Variants in ZBTB7A observed in about 807,000 individuals in gnomAD.
The protein encoded by ZBTB7A is zinc finger and BTB domain containing 7A, also known as zinc finger and BTB domain-containing protein 7A.
Under a neutral mutation model 26.7 loss-of-function variants are expected in ZBTB7A, and 7 were observed. The ratio of observed to expected loss-of-function variants is 0.26; its 90% confidence interval spans 0.15 to 0.49. ZBTB7A has a LOEUF of 0.49. Ranked by LOEUF, ZBTB7A falls within the 20% of genes least tolerant of loss-of-function variation. The pLI, the probability that ZBTB7A is intolerant of heterozygous loss-of-function variation, is 0.98. For missense variants in ZBTB7A, 617 were observed against 919.5 expected, an observed-to-expected ratio of 0.67 and a Z score of 4.25; for synonymous variants, 452 against 441.0, an observed-to-expected ratio of 1.02 and a Z score of -0.31.
At chr19:4,065,277 G>C (rs868643560) in intron 1 of ZBTB7A, among the ~76,000 whole-genome samples, 2 of 149,858 alleles carry the variant, frequency 1.3e-5, no homozygotes, top group African/African-American at 4.9e-5. Flanking sequence ...GGCCGTCCGG[G>C]CAGGGCGAGG....
At chr19:4,059,247 C>A (rs530838600) in intron 1 of ZBTB7A, among the ~76,000 whole-genome samples, 2 of 152,204 alleles carry the variant, frequency 1.3e-5, no homozygotes, top group African/African-American at 4.8e-5. Flanking sequence ...CCTCGGGTGA[C>A]CAGGGTCCCC....
intron 2 of ZBTB7A, among the ~76,000 whole-genome samples, chr19:4,049,060 C>T (rs1490168808): frequency 2.7e-5 from 4 of 148,830 alleles, no homozygotes; most frequent in South Asian, 2.1e-4. Flanking sequence ...CCTGCAGCCT[C>T]GAACTCCTGG....
intron 1 of ZBTB7A, among the ~76,000 whole-genome samples, chr19:4,064,251 C>G (rs1044847291): frequency 1.8e-4 from 27 of 152,268 alleles, no homozygotes; most frequent in Admixed American, 1.8e-3. Context: ...GACTGACCCA[C>G]GAATTAAAAT....
Position 4,043,916 on chromosome 19 carries a change from A to G in ZBTB7A, c.*3836T>C, listed in dbSNP as rs2040379753. 6.7e-6 allele frequency among the ~76,000 whole-genome samples: 1 copy of G among 149,176 alleles called. No individual in the cohort carries two copies. The highest frequency in any genetic ancestry group is 2.5e-5 in the African/African-American group (1 of 40,580). ...TTTTAAAATAAAACTGCAAATATAAATATCTTTCTTTCTCAAAAAATAGGA... is the reference window on the plus strand; with the variant it reads ...TTTTAAAATAAAACTGCAAATATAAGTATCTTTCTTTCTCAAAAAATAGGA... On this transcript the variant is annotated 3_prime_UTR_variant, in exon 3 of 3. Transcript: ENST00000322357.
chr19:4,065,908 C>G (rs1359530891), intron 1 of ZBTB7A, among the ~76,000 whole-genome samples: 1 of 143,752 alleles, frequency 7.0e-6, no homozygotes, highest in Non-Finnish European at 1.6e-5. Context: ...GCCCCGCCCC[C>G]TGGCGGGCTG....
At chr19:4,050,490 C>T (rs529724815) in intron 2 of ZBTB7A, among the ~76,000 whole-genome samples, 2 of 152,306 alleles carry the variant, frequency 1.3e-5, no homozygotes, top group East Asian at 3.9e-4. Flanking sequence ...ATGGGGGCAG[C>T]GTGGACCCAG....
At position 4,053,680 on chromosome 19, in the gene ZBTB7A, C is replaced by T. The variant is rs550846994; in HGVS notation, c.1262+291G>A. Reference sequence around the variant, plus strand: ...CATGTCTGTATGTGTATGTGGTGTGCGTGTGCGTGTGTGCGTCTGTGTGTG... The same window carrying T: ...CATGTCTGTATGTGTATGTGGTGTGTGTGTGCGTGTGTGCGTCTGTGTGTG... On this transcript the variant is annotated intron_variant, in intron 2 of 2. Transcript: ENST00000322357. Among the ~76,000 whole-genome samples the T allele has an allele frequency of 6.8e-5, 10 of 147,202 alleles. 1 individual carries two copies. Among genetic ancestry groups the T allele is most frequent in the African/African-American group, 1.8e-4 (7 of 39,924 alleles).
At position 4,045,461 on chromosome 19, in the gene ZBTB7A, T is replaced by C. The variant is rs2040403150; in HGVS notation, c.*2291A>G. On this transcript the variant is annotated 3_prime_UTR_variant, in exon 3 of 3. Coordinates refer to ENST00000322357, the MANE Select transcript of ZBTB7A (RefSeq NM_015898.4). This position sits in a 1 kb window ranked among gnomAD's most constrained non-coding sequence, Gnocchi z 4.1. ...AGGGGAGAGGGGGGATCCTGAGACA[T>C]TTGGAGGGGGCTGACAGGCTTAAGG... The C allele has an allele frequency of 7.1e-6, 1 of 140,932 alleles. No individual in the cohort carries two copies. The highest frequency in any genetic ancestry group is 1.5e-5 in the Non-Finnish European group (1 of 65,008). 8.7% of individuals were successfully genotyped at this position (140,932 alleles called of 1,614,324 possible). A position where few individuals can be genotyped will look rare whatever the true frequency, so the allele number is the denominator to read the frequency against.
chr19:4,062,347 G>A (rs528172776), intron 1 of ZBTB7A: 11 of 152,350 alleles, frequency 7.2e-5, no homozygotes, highest in Non-Finnish European at 7.3e-5. Context: ...CTCGGCGCTC[G>A]GGGCCCAAGG....
chr19:4,049,505 C>T (rs1599249892), intron 2 of ZBTB7A, among the ~76,000 whole-genome samples: 1 of 151,974 alleles, frequency 6.6e-6, no homozygotes, highest in African/African-American at 2.4e-5. Flanking sequence ...GCTGAAAATA[C>T]CGCAAGGAAC....
Position 4,052,299 on chromosome 19 carries a change from C to T in ZBTB7A, c.1262+1672G>A, listed in dbSNP as rs2040512391. The stretch of plus-strand genomic sequence containing the variant: ...CTCTGCACCCCACCAAGCTGCTCTT[C>T]CTGAGCTCAGAGACGAACCCACAGT... On this transcript the variant is annotated intron_variant, in intron 2 of 2. Transcript: ENST00000322357. The surrounding 1 kb of genome is among the most constrained non-coding windows in gnomAD (Gnocchi z 4.9). 6.6e-6 allele frequency among the ~76,000 whole-genome samples: 1 copy of T among 152,196 alleles called. No individual in the cohort carries two copies. Among genetic ancestry groups the T allele is most frequent in the South Asian group, 2.1e-4 (1 of 4,830 alleles).
In ZBTB7A at chr19:4,047,493, T is replaced by G. The variant is rs2040435645; in HGVS notation, c.*259A>C. On this transcript the variant is annotated 3_prime_UTR_variant, in exon 3 of 3. Coordinates refer to ENST00000322357, the MANE Select transcript of ZBTB7A (RefSeq NM_015898.4). Reference sequence around the variant, plus strand: ...CAAGCCCCGAAACCCAGCGATGGGGTGGTGGGGGGAAGGGGAGCCAGGGAG... The same window carrying G: ...CAAGCCCCGAAACCCAGCGATGGGGGGGTGGGGGGAAGGGGAGCCAGGGAG... 2.9e-5 allele frequency: 6 copies of G among 206,496 alleles called. No individual in the cohort carries two copies. Among genetic ancestry groups the G allele is most frequent in the South Asian group, 1.7e-4 (1 of 5,820 alleles). The allele number at this position is 206,496 out of a possible 1,614,324, so 12.8% of individuals were successfully genotyped here. A position where few individuals can be genotyped will look rare whatever the true frequency, so the allele number is the denominator to read the frequency against.
In ZBTB7A at chr19:4,044,928, G is replaced by A. The variant is rs1259360509; in HGVS notation, c.*2824C>T. On this transcript the variant is annotated 3_prime_UTR_variant, in exon 3 of 3. Coordinates refer to ENST00000322357, the MANE Select transcript of ZBTB7A (RefSeq NM_015898.4). ...AAGAATAAAAATAAAATCGATTCAC[G>A]TCTATATACAGTATGTGATTGCGCG... 7.2e-6 allele frequency: 1 copy of A among 138,466 alleles called. No individual in the cohort carries two copies. The highest frequency in any genetic ancestry group is 1.5e-5 in the Non-Finnish European group (1 of 64,964). The allele number at this position is 138,466 out of a possible 1,614,324, so 8.6% of individuals were successfully genotyped here.
intron 1 of ZBTB7A, among the ~76,000 whole-genome samples, chr19:4,059,105 G>T (rs1038880469): frequency 1.3e-5 from 2 of 152,206 alleles, no homozygotes; most frequent in African/African-American, 4.8e-5. Context: ...GCCGCGGGGA[G>T]CGTGTGAGCA....
At chr19:4,065,521 G>A (rs1423434914) in intron 1 of ZBTB7A, 3 of 146,150 alleles carry the variant, frequency 2.1e-5, no homozygotes, top group Non-Finnish European at 3.1e-5. Context: ...GGGGCCGGGA[G>A]GCGGCAGTGA....
chr19:4,055,224 G>GAA lies in ZBTB7A; in HGVS notation c.8_9insTT (p.Gly4SerfsTer19). 6.6e-7 allele frequency: 1 copy of GAA among 1,515,828 alleles called. No individual in the cohort carries two copies. Among genetic ancestry groups the GAA allele is most frequent in the South Asian group, 1.3e-5 (1 of 78,260 alleles). The allele number at this position is 1,515,828 out of a possible 1,614,324, so 93.9% of individuals were successfully genotyped here. ...GGATCCCGATGGGGCCGTCCACGCC[G>GAA]CCGGCCATCTTCCGCGCCGAGACCT... On this transcript the variant is annotated frameshift_variant, in exon 2 of 3. Coordinates refer to ENST00000322357, the MANE Select transcript of ZBTB7A (RefSeq NM_015898.4). LOFTEE classifies it high-confidence loss of function.
chr19:4,050,331 G>A (rs939641375), intron 2 of ZBTB7A, among the ~76,000 whole-genome samples: 4 of 152,196 alleles, frequency 2.6e-5, no homozygotes, highest in Non-Finnish European at 5.9e-5. Flanking sequence ...AAAGTGCTGG[G>A]ATTACAGGCG....
chr19:4,047,907 G>C lies in ZBTB7A; in HGVS notation c.1600C>G (p.Gln534Glu), dbSNP rs1010406476. 1.3e-6 allele frequency: 2 copies of C among 1,551,734 alleles called. No individual in the cohort carries two copies. Among genetic ancestry groups the C allele is most frequent in the African/African-American group, 2.8e-5 (2 of 70,782 alleles). Reference sequence around the variant, plus strand: ...TCCTCGTCCTTAAAGTGCTTCTCCTGGCCGTTGCGCCGGGCGTCGGGGGAG... The same window carrying C: ...TCCTCGTCCTTAAAGTGCTTCTCCTCGCCGTTGCGCCGGGCGTCGGGGGAG... ...PSSPDARRNGQEKHFKDEDED... is the reference protein window; with the variant it reads ...PSSPDARRNGEEKHFKDEDED... The change falls in exon 3 of 3, where the codon CAG (glutamine) becomes GAG (glutamate). Residue 534 changes from glutamine to glutamate, a missense_variant. By Grantham distance (29) the Gln-to-Glu change is conservative. This residue lies in a region of ZBTB7A where 136 missense variants were observed against 126.6 expected (regional missense o/e 1.07). Transcript: ENST00000322357.
chr19:4,054,979 A>G lies in ZBTB7A; in HGVS notation c.254T>C (p.Leu85Pro). 6.2e-7 allele frequency: 1 copy of G among 1,612,004 alleles called. No homozygotes were observed. The highest frequency in any genetic ancestry group is 8.5e-7 in the Non-Finnish European group (1 of 1,179,680). Residue 85 changes from leucine (L) to proline (P), a missense_variant, in exon 2 of 3, where the codon CTC becomes CCC. Physicochemically the swap from Leu to Pro is moderately conservative, Grantham distance 98. This residue lies in a region of ZBTB7A where 82 missense variants were observed against 195.2 expected (regional missense o/e 0.42). Transcript: ENST00000322357. ...GTAGGCGAAGTCCATGAGCGCGGTG[A>G]GCGCCTCGGCGCTGACGAAGTCGAT... ...YEIDFVSAEA[L>P]TALMDFAYTA...
Sources: allele counts gnomAD v4.1 joint callset (sites outside exome capture counted in the v4.1 genomes callset), GRCh38; gene constraint gnomAD v4.1.1; regional missense constraint gnomAD v4.1.1; non-coding constraint Gnocchi (gnomAD v3.1); transcripts MANE v1.5; gene names NCBI Gene and HGNC (gene_info 2026-07-23, HGNC 2026-07-21).